Variants in ANXA4 observed in about 807,000 individuals in gnomAD.
ANXA4 encodes the protein 35-beta calcimedin.
A neutral mutation model predicts 49.8 loss-of-function variants in ANXA4; 39 were observed. That is an observed-to-expected ratio of 0.78 (90% confidence interval 0.61 to 1.02). The LOEUF is 1.02. Ranked by LOEUF, ANXA4 falls within the 50% of genes least tolerant of loss-of-function variation. The pLI is 0.00. For missense variants in ANXA4, 360 were observed against 410.1 expected, an observed-to-expected ratio of 0.88 and a Z score of 1.05; for synonymous variants, 134 against 152.5, an observed-to-expected ratio of 0.88 and a Z score of 0.89.
intron 2 of ANXA4, among the ~76,000 whole-genome samples, chr2:69,787,023 C>A (rs1203202878): frequency 6.6e-6 from 1 of 152,196 alleles, no homozygotes; most frequent in African/African-American, 2.4e-5. Flanking sequence ...CCACATCCGG[C>A]CTGTTTCTTC....
chr2:69,705,702 C>T (rs554556190), intron 2 of ANXA4, among the ~76,000 whole-genome samples: 35 of 152,204 alleles, frequency 2.3e-4, no homozygotes, highest in African/African-American at 7.7e-4. Context: ...GAGGCCAAGG[C>T]GGGTGGATCA....
chr2:69,702,074 C>T (rs1310968816), intron 2 of ANXA4, among the ~76,000 whole-genome samples: 3 of 152,020 alleles, frequency 2.0e-5, no homozygotes, highest in Admixed American at 6.6e-5. Context: ...TGCAGTGGCG[C>T]GATCTCAGCT....
chr2:69,680,128 G>T (rs1439446437), intron 2 of ANXA4, among the ~76,000 whole-genome samples: 1 of 152,078 alleles, frequency 6.6e-6, no homozygotes, highest in Non-Finnish European at 1.5e-5. Context: ...TAATTCTTCT[G>T]ATCTATGAAC....
exon 2 of ANXA4, chr2:69,653,132 C>T (rs1027347068): frequency 2.0e-5 from 3 of 152,172 alleles, no homozygotes; most frequent in Non-Finnish European, 1.5e-5. Flanking sequence ...GGTCTCAGTT[C>T]TTCAGGACTA....
At chr2:69,772,988 G>C (rs1045773182) in intron 1 of ANXA4, among the ~76,000 whole-genome samples, 1 of 151,860 alleles carries the variant, frequency 6.6e-6, no homozygotes, top group Non-Finnish European at 1.5e-5. Context: ...CTGCACTCCA[G>C]CCTGGCAACA....
At chr2:69,754,495 C>G (rs1221018294) in intron 1 of ANXA4, among the ~76,000 whole-genome samples, 2 of 152,154 alleles carry the variant, frequency 1.3e-5, no homozygotes, top group African/African-American at 2.4e-5. Flanking sequence ...CTCCTGCACT[C>G]AGGGATTCTC....
At chr2:69,763,762 A>C (rs543118263) in intron 1 of ANXA4, among the ~76,000 whole-genome samples, 114 of 150,992 alleles carry the variant, frequency 7.6e-4, no homozygotes, top group Middle Eastern at 3.5e-3. Flanking sequence ...TCCTGGGTTC[A>C]AGCAATTCTC....
chr2:69,744,169 A>G (rs917782573), intron 1 of ANXA4, among the ~76,000 whole-genome samples: 2 of 152,142 alleles, frequency 1.3e-5, no homozygotes, highest in African/African-American at 2.4e-5. Context: ...TTACTTGGGC[A>G]TGGTGACACC....
At chr2:69,764,124 GAT>G (rs1671409806) in intron 1 of ANXA4, among the ~76,000 whole-genome samples, 1 of 152,204 alleles carries the variant, frequency 6.6e-6, no homozygotes, top group African/African-American at 2.4e-5. Flanking sequence ...CCTAAGTGCA[GAT>G]GAGAATCCCT....
chr2:69,654,888 C>A (rs1017194436), intron 2 of ANXA4, among the ~76,000 whole-genome samples: 1 of 152,208 alleles, frequency 6.6e-6, no homozygotes, highest in Admixed American at 6.5e-5. Flanking sequence ...CTACAACCAT[C>A]TGATCTTTGA....
chr2:69,811,469 C>G (rs1673702068), intron 7 of ANXA4: 1 of 152,124 alleles, frequency 6.6e-6, no homozygotes, highest in South Asian at 2.1e-4. Flanking sequence ...AGGAAGCTAC[C>G]TGGAAAATTC....
intron 2 of ANXA4, among the ~76,000 whole-genome samples, chr2:69,660,527 A>G (rs2105322636): frequency 6.6e-6 from 1 of 152,342 alleles, no homozygotes; most frequent in South Asian, 2.1e-4. Flanking sequence ...CTAAAAGGTG[A>G]TGTAAAATAA....
chr2:69,694,524 T>A (rs1185528363), intron 2 of ANXA4, among the ~76,000 whole-genome samples: 1 of 17,584 alleles, frequency 5.7e-5, no homozygotes. Flanking sequence ...CCCTCCCCCC[T>A]CCCCCCACCC....
At chr2:69,794,320 C>T (rs1484507797) in intron 3 of ANXA4, among the ~76,000 whole-genome samples, 1 of 152,230 alleles carries the variant, frequency 6.6e-6, no homozygotes, top group South Asian at 2.1e-4. Flanking sequence ...TCCACTGTAA[C>T]TGCTTGGAGG....
chr2:69,711,236 G>A (rs938685244), intron 2 of ANXA4, among the ~76,000 whole-genome samples: 7 of 152,240 alleles, frequency 4.6e-5, no homozygotes, highest in East Asian at 3.9e-4. Flanking sequence ...AGGCTGAGGC[G>A]GGAGAACCGC....
rs1676644825 is a variant in ANXA4, at chr2:69,659,867, G to A, written n.766+6585G>A. 3.3e-5 allele frequency among the ~76,000 whole-genome samples: 5 copies of A among 152,332 alleles called. No individual in the cohort carries two copies. The South Asian group carries it at 1.0e-3, about 32-fold the overall frequency. On this transcript the variant is annotated intron_variant and non_coding_transcript_variant, in intron 2 of 3. Transcript: ENST00000418066. ...GCTACCATTGCAATTGCTGGTGGCA[G>A]TGGGGGCTGGGGAGAAAATGTCATA...
chr2:69,806,262 A>G, intron 4 of ANXA4, 123 bp from the exon 5 acceptor site: 1 of 642,418 alleles, frequency 1.6e-6, no homozygotes, highest in South Asian at 1.8e-5. Flanking sequence ...TTCTGAGGAT[A>G]GTTTTGACTT....
At chr2:69,713,776 G>C (rs1356356340) in intron 2 of ANXA4, 1 of 152,124 alleles carries the variant, frequency 6.6e-6, no homozygotes, top group Non-Finnish European at 1.5e-5. Context: ...TCTCCTCTTG[G>C]GGCACCTAAC....
chr2:69,663,670 TAA>T (rs1314485983), intron 2 of ANXA4, among the ~76,000 whole-genome samples: 2 of 151,710 alleles, frequency 1.3e-5, no homozygotes, highest in African/African-American at 2.4e-5. Flanking sequence ...CCTGTGTCAA[TAA>T]AAAAAGAATA....
Sources: allele counts gnomAD v4.1 joint callset (sites outside exome capture counted in the v4.1 genomes callset), GRCh38; gene constraint gnomAD v4.1.1; transcripts MANE v1.5; gene names NCBI Gene and HGNC (gene_info 2026-07-23, HGNC 2026-07-21).